The following SMYD3 variants were observed in gnomAD, a reference collection of about 807,000 sequenced individuals.
SMYD3 encodes histone-lysine N-methyltransferase SMYD3.
A neutral mutation model predicts 57.7 loss-of-function variants in SMYD3; 36 were observed. The ratio of observed to expected loss-of-function variants is 0.62; its 90% CI spans 0.48 to 0.82. The LOEUF (loss-of-function observed/expected upper bound fraction) is 0.82, where lower values mean the gene tolerates loss of function less well. Among genes scored for constraint, SMYD3 ranks in the 40% least tolerant of loss-of-function variants. The pLI is 0.00. For synonymous variants in SMYD3, 211 were observed against 195.0 expected (o/e 1.08, Z -0.68); for missense variants, 515 against 538.8 (o/e 0.96, Z 0.44).
intron 1 of SMYD3, among the ~76,000 whole-genome samples, chr1:246,419,128 C>A (rs910894915): frequency 4.6e-5 from 7 of 152,088 alleles, no homozygotes; most frequent in African/African-American, 1.7e-4. Context: ...GTAAGATCCA[C>A]CCCCCACTAG....
intron 10 of SMYD3, among the ~76,000 whole-genome samples, chr1:245,775,107 C>A (rs2046518088): frequency 6.6e-6 from 1 of 152,212 alleles, no homozygotes; most frequent in Non-Finnish European, 1.5e-5. Flanking sequence ...AGATTGCAGC[C>A]TCTGCCCCGC....
intron 5 of SMYD3, among the ~76,000 whole-genome samples, chr1:246,212,218 C>CA (rs200880824): frequency 0.013 from 2,001 of 151,982 alleles, 62 homozygotes; most frequent in African/African-American, 0.045. Flanking sequence ...AATGCTGACA[C>CA]AGTAATTGTA....
chr1:246,032,193 G>A (rs2059689904), intron 5 of SMYD3, among the ~76,000 whole-genome samples: 1 of 152,296 alleles, frequency 6.6e-6, no homozygotes, highest in African/African-American at 2.4e-5. Flanking sequence ...AACTGAGTTA[G>A]CAGTCTTTTC....
intron 1 of SMYD3, among the ~76,000 whole-genome samples, chr1:246,387,460 T>G (rs1296424143): frequency 5.9e-5 from 9 of 152,216 alleles, no homozygotes; most frequent in Non-Finnish European, 1.3e-4. Flanking sequence ...AGTTTAACAT[T>G]TATTCATCCC....
chr1:245,980,506 G>C (rs563554320), intron 5 of SMYD3, among the ~76,000 whole-genome samples: 1 of 152,304 alleles, frequency 6.6e-6, no homozygotes, highest in South Asian at 2.1e-4. Context: ...ATGGGAGCAG[G>C]AATTAAATGC....
chr1:246,432,582 G>C (rs1572496340), intron 1 of SMYD3, among the ~76,000 whole-genome samples: 1 of 152,180 alleles, frequency 6.6e-6, no homozygotes, highest in East Asian at 1.9e-4. Context: ...AAAATCTTCA[G>C]TTCACGATGT....
chr1:245,862,720 T>C (rs1244358843), intron 9 of SMYD3, among the ~76,000 whole-genome samples: 3 of 152,250 alleles, frequency 2.0e-5, no homozygotes, highest in African/African-American at 7.2e-5. Context: ...TTTGCTAACA[T>C]CTAATGTAAG....
intron 1 of SMYD3, among the ~76,000 whole-genome samples, chr1:246,361,551 C>G (rs2065986810): frequency 6.6e-6 from 1 of 152,142 alleles, no homozygotes; most frequent in African/African-American, 2.4e-5. Context: ...CCCAAATGCC[C>G]ATCAGTCAAC....
At position 245,915,625 on chromosome 1, in the gene SMYD3, G is replaced by C; in HGVS notation, c.718C>G (p.Leu240Val). ...TCCTCACTGGTCATCAGCATATCCA[G>C]GTAGCAGATGGTGAGCTGTGCAGGC... The part of the protein sequence containing the change: ...EVGEELTICY[L>V]DMLMTSEERR... The change falls in exon 8 of 12, where the codon CTG (leucine) becomes GTG (valine). Residue 240 changes from leucine (L) to valine (V), a missense_variant. By Grantham distance (32) the Leu-to-Val change is conservative. Transcript: ENST00000490107. 6.2e-7 allele frequency: 1 copy of C among 1,612,984 alleles called. No homozygotes were observed. The highest frequency in any genetic ancestry group is 1.1e-5 in the South Asian group (1 of 91,002).
chr1:245,953,781 A>G (rs4142899), intron 5 of SMYD3, among the ~76,000 whole-genome samples: 81,264 of 152,058 alleles, frequency 0.53, 27,378 homozygotes, highest in Non-Finnish European at 0.76. Context: ...TGTACTTTCA[A>G]AAGTATGTTC....
chr1:246,144,238 T>C (rs760209289), intron 5 of SMYD3, among the ~76,000 whole-genome samples: 3 of 151,596 alleles, frequency 2.0e-5, no homozygotes, highest in African/African-American at 4.8e-5. Context: ...CAATGTCTTC[T>C]CTTACTCATG....
intron 10 of SMYD3, among the ~76,000 whole-genome samples, chr1:245,838,984 A>C (rs1049011809): frequency 1.3e-5 from 2 of 152,094 alleles, no homozygotes; most frequent in African/African-American, 4.8e-5. Flanking sequence ...TCACAGTGGA[A>C]TGGCTTGATT....
intron 5 of SMYD3, among the ~76,000 whole-genome samples, chr1:246,045,323 T>C (rs1488159585): frequency 6.6e-6 from 1 of 152,016 alleles, no homozygotes; most frequent in African/African-American, 2.4e-5. Flanking sequence ...TCAGAAATAA[T>C]GCTGCATATC....
At chr1:245,879,223 C>T (rs2052645283) in intron 8 of SMYD3, among the ~76,000 whole-genome samples, 1 of 152,226 alleles carries the variant, frequency 6.6e-6, no homozygotes, top group Non-Finnish European at 1.5e-5. Context: ...TCTAGAACAA[C>T]ATCTGAGCAC....
chr1:246,143,247 A>G (rs188988796), intron 5 of SMYD3, among the ~76,000 whole-genome samples: 53 of 152,332 alleles, frequency 3.5e-4, no homozygotes, highest in South Asian at 6.2e-4. Context: ...TGAATCATGC[A>G]TTACTGCAAG....
chr1:246,057,638 C>T (rs1486455844), intron 5 of SMYD3, among the ~76,000 whole-genome samples: 4 of 152,202 alleles, frequency 2.6e-5, no homozygotes, highest in South Asian at 2.1e-4. Context: ...CAGGAACTCT[C>T]GTTCACTGCT....
At chr1:246,319,699 C>T (rs906056733) in intron 5 of SMYD3, among the ~76,000 whole-genome samples, 2 of 152,150 alleles carry the variant, frequency 1.3e-5, no homozygotes, top group Admixed American at 6.5e-5. Flanking sequence ...AGAGGTAATA[C>T]TCTTCCCACA....
At chr1:246,027,354 C>T (rs547759000) in intron 5 of SMYD3, among the ~76,000 whole-genome samples, 1 of 152,224 alleles carries the variant, frequency 6.6e-6, no homozygotes, top group South Asian at 2.1e-4. Context: ...GATGAGATAC[C>T]ATCTAAGACT....
At chr1:246,185,802 A>G (rs2062630934) in intron 5 of SMYD3, among the ~76,000 whole-genome samples, 1 of 152,192 alleles carries the variant, frequency 6.6e-6, no homozygotes, top group African/African-American at 2.4e-5. Context: ...AGTATCTTGT[A>G]CAATGGTAAT....
Sources: gnomAD v4.1 joint callset for allele counts (sites outside exome capture counted in the v4.1 genomes callset) on GRCh38, gnomAD v4.1.1 for gene constraint, MANE v1.5 for transcripts, NCBI Gene and HGNC (gene_info 2026-07-23, HGNC 2026-07-21) for gene names.